Variants in ADAMTS19 observed in about 807,000 individuals in gnomAD.
ADAMTS19 encodes A disintegrin and metalloproteinase with thrombospondin motifs 19.
ADAMTS19 carries 93 observed loss-of-function variants against 153.3 expected under a neutral mutation model. That is an observed-to-expected ratio of 0.61 (90% CI 0.51 to 0.72). The LOEUF is 0.72. ADAMTS19 is among the 30% of genes least tolerant of loss of function. The pLI is 0.00. For missense variants in ADAMTS19, 1,482 were observed against 1,552.1 expected (o/e 0.95, Z 0.76); for synonymous variants, 600 against 556.6 (o/e 1.08, Z -1.10).
intron 10 of ADAMTS19, among the ~76,000 whole-genome samples, chr5:129,624,804 T>C (rs760091731): frequency 5.9e-5 from 9 of 152,234 alleles, no homozygotes; most frequent in Non-Finnish European, 1.3e-4. Flanking sequence ...ATAATGTGTT[T>C]AATTATTTAT....
intron 6 of ADAMTS19, among the ~76,000 whole-genome samples, chr5:129,537,238 A>G (rs564221127): frequency 6.6e-6 from 1 of 152,128 alleles, no homozygotes; most frequent in Non-Finnish European, 1.5e-5. Flanking sequence ...ACCATCTCAC[A>G]CCAGTTAGAA....
At chr5:129,582,441 T>C (rs1470920623) in intron 7 of ADAMTS19, among the ~76,000 whole-genome samples, 1 of 152,076 alleles carries the variant, frequency 6.6e-6, no homozygotes, top group African/African-American at 2.4e-5. Context: ...TTGCTTTTCA[T>C]TTGCTTGTAA....
intron 2 of ADAMTS19, among the ~76,000 whole-genome samples, chr5:129,483,802 A>G (rs1333856249): frequency 1.3e-5 from 2 of 152,326 alleles, no homozygotes; most frequent in East Asian, 3.9e-4. Context: ...CACTAAGGCA[A>G]ATAACAATAA....
At chr5:129,607,660 A>T (rs1344759352) in intron 8 of ADAMTS19, among the ~76,000 whole-genome samples, 1 of 152,182 alleles carries the variant, frequency 6.6e-6, no homozygotes, top group African/African-American at 2.4e-5. Context: ...CCTGTTTAAG[A>T]TAAACTGTAT....
chr5:129,528,401 T>C (rs1752088125), intron 5 of ADAMTS19, 119 bp from the exon 6 acceptor site: 3 of 713,878 alleles, frequency 4.2e-6, no homozygotes, highest in East Asian at 6.4e-5. Context: ...TTCTAATTAA[T>C]GTTATGGTCA....
At chr5:129,721,684 A>G (rs900732815) in intron 21 of ADAMTS19, among the ~76,000 whole-genome samples, 2 of 151,970 alleles carry the variant, frequency 1.3e-5, no homozygotes, top group Admixed American at 1.3e-4. Flanking sequence ...GGTTTGCTGT[A>G]CCTTTCAACC....
chr5:129,578,908 G>C (rs973160492), intron 7 of ADAMTS19, among the ~76,000 whole-genome samples: 1 of 152,098 alleles, frequency 6.6e-6, no homozygotes, highest in Non-Finnish European at 1.5e-5. Flanking sequence ...ACATACGTGT[G>C]CATGTGTCTT....
At chr5:129,520,486 T>G (rs1751762617) in intron 3 of ADAMTS19, among the ~76,000 whole-genome samples, 1 of 152,132 alleles carries the variant, frequency 6.6e-6, no homozygotes, top group African/African-American at 2.4e-5. Context: ...GACACAATCT[T>G]CTTTGTGAAA....
chr5:129,733,674 G>A (rs1466667071), intron 21 of ADAMTS19, among the ~76,000 whole-genome samples: 3 of 151,918 alleles, frequency 2.0e-5, no homozygotes, highest in Non-Finnish European at 4.4e-5. Context: ...GGTGAGGTTG[G>A]AGAGAAAAGG....
At chr5:129,699,672 G>T (rs1755740883) in intron 19 of ADAMTS19, among the ~76,000 whole-genome samples, 1 of 152,108 alleles carries the variant, frequency 6.6e-6, no homozygotes, top group Non-Finnish European at 1.5e-5. Context: ...TGGTTGAATG[G>T]AGAAGCCCTT....
At chr5:129,614,517 G>C (rs62399037) in intron 8 of ADAMTS19, among the ~76,000 whole-genome samples, 13,469 of 152,118 alleles carry the variant, frequency 0.089, 682 homozygotes, top group African/African-American at 0.11. Context: ...AATAAATTAG[G>C]TCTTGATGGG....
At chr5:129,563,212 A>AT (rs548780670) in intron 7 of ADAMTS19, among the ~76,000 whole-genome samples, 3,096 of 145,928 alleles carry the variant, frequency 0.021, 66 homozygotes, top group African/African-American at 0.054. Context: ...GCAATTTGGC[A>AT]TTTTTTTTTT....
chr5:129,606,499 G>A (rs750239535), intron 8 of ADAMTS19, among the ~76,000 whole-genome samples: 1 of 152,128 alleles, frequency 6.6e-6, no homozygotes, highest in Non-Finnish European at 1.5e-5. Context: ...GACTCTTGCA[G>A]TATCCACTTA....
At chr5:129,597,345 T>G (rs1407299931) in intron 8 of ADAMTS19, among the ~76,000 whole-genome samples, 2 of 152,090 alleles carry the variant, frequency 1.3e-5, no homozygotes, top group African/African-American at 4.8e-5. Context: ...TCACAACAAT[T>G]TTGTGATGTG....
intron 1 of ADAMTS19, chr5:129,460,699 T>A (rs965753163): frequency 8.2e-6 from 5 of 607,026 alleles, no homozygotes; most frequent in Non-Finnish European, 1.5e-5. Context: ...AGTTTCCTTC[T>A]AATTAGAGCA....
At chr5:129,648,755 A>G (rs200040438) in intron 12 of ADAMTS19, 43 bp from the exon 13 acceptor site, 57 of 1,552,966 alleles carry the variant, frequency 3.7e-5, no homozygotes, top group Non-Finnish European at 4.6e-5. Context: ...TAGGTAGTTA[A>G]CATAAAAAAC....
At chr5:129,722,002 T>G (rs1276469049) in intron 21 of ADAMTS19, among the ~76,000 whole-genome samples, 1 of 152,228 alleles carries the variant, frequency 6.6e-6, no homozygotes, top group African/African-American at 2.4e-5. Context: ...AATCTATCAC[T>G]GATACACATT....
chr5:129,695,067 G>A (rs932234897), intron 19 of ADAMTS19, among the ~76,000 whole-genome samples: 1 of 152,166 alleles, frequency 6.6e-6, no homozygotes, highest in Non-Finnish European at 1.5e-5. Flanking sequence ...GGGAGGGATG[G>A]TTGCTGAGGA....
chr5:129,502,926 G>A (rs555949341), intron 2 of ADAMTS19, among the ~76,000 whole-genome samples: 4 of 152,234 alleles, frequency 2.6e-5, no homozygotes, highest in Non-Finnish European at 4.4e-5. Context: ...GAAAATGTCT[G>A]GTGTAGAATT....
Sources: gnomAD v4.1 joint callset for allele counts (sites outside exome capture counted in the v4.1 genomes callset) on GRCh38, gnomAD v4.1.1 for gene constraint, MANE v1.5 for transcripts, NCBI Gene and HGNC (gene_info 2026-07-23, HGNC 2026-07-21) for gene names.